The following WDPCP variants were observed in gnomAD, a reference collection of about 807,000 sequenced individuals.
WDPCP encodes the protein WD repeat-containing and planar cell polarity effector protein fritz homolog.
WDPCP carries 71 observed loss-of-function variants against 93.1 expected under a neutral mutation model. The observed-to-expected ratio is 0.76, with a 90% CI of 0.63 to 0.93. WDPCP has a LOEUF of 0.93. Ranked by LOEUF, WDPCP falls within the 40% of genes least tolerant of loss-of-function variation. The probability of loss-of-function intolerance (pLI) is 0.00; values close to 1 mark genes in which losing one functional copy is unlikely to be tolerated. For synonymous variants in WDPCP, 315 were observed against 315.0 expected (o/e 1.00, Z 0.00); for missense variants, 844 against 887.4 (o/e 0.95, Z 0.62).
At chr2:63,790,062 A>G (rs111681504) in intron 2 of WDPCP, among the ~76,000 whole-genome samples, 7 of 152,336 alleles carry the variant, frequency 4.6e-5, no homozygotes, top group African/African-American at 1.7e-4. Flanking sequence ...GAAGTTTAGG[A>G]AACTCCCTTA....
At chr2:63,178,226 AT>A (rs1165423675) in intron 14 of WDPCP, among the ~76,000 whole-genome samples, 1 of 152,180 alleles carries the variant, frequency 6.6e-6, no homozygotes, top group African/African-American at 2.4e-5. Flanking sequence ...CTGGCCTTAT[AT>A]AATGAATTTG....
chr2:63,558,323 T>C (rs1706291706), intron 1 of WDPCP, among the ~76,000 whole-genome samples: 1 of 149,796 alleles, frequency 6.7e-6, no homozygotes, highest in Non-Finnish European at 1.5e-5. Flanking sequence ...AGGTCAGGAG[T>C]TTGAGACCAG....
At chr2:63,606,346 A>G (rs1376637862) in intron 3 of WDPCP, among the ~76,000 whole-genome samples, 1 of 152,198 alleles carries the variant, frequency 6.6e-6, no homozygotes, top group Non-Finnish European at 1.5e-5. Context: ...GTACCCCTCC[A>G]CCAGGCAACA....
chr2:63,664,385 G>A, intron 2 of WDPCP, among the ~76,000 whole-genome samples: 1 of 152,164 alleles, frequency 6.6e-6, no homozygotes, highest in East Asian at 1.9e-4. Context: ...TCTGCAGCTG[G>A]TACCATCAAC....
chr2:63,586,093 G>A (rs754471342), intron 1 of WDPCP, among the ~76,000 whole-genome samples: 2 of 152,176 alleles, frequency 1.3e-5, no homozygotes, highest in Non-Finnish European at 2.9e-5. Flanking sequence ...GCCTCTCAAA[G>A]TGCTGAGATT....
chr2:63,474,255 T>C (rs1012384496), intron 6 of WDPCP, among the ~76,000 whole-genome samples: 4 of 152,094 alleles, frequency 2.6e-5, no homozygotes, highest in Non-Finnish European at 4.4e-5. Flanking sequence ...TTCCAGTGCA[T>C]TTTTTAATAA....
At chr2:63,341,488 G>C (rs1688835913) in intron 12 of WDPCP, among the ~76,000 whole-genome samples, 1 of 152,242 alleles carries the variant, frequency 6.6e-6, no homozygotes, top group South Asian at 2.1e-4. Context: ...TGAGAAAAAT[G>C]TATATTCTGC....
chr2:63,439,898 G>A, intron 6 of WDPCP, 27 bp from the exon 7 acceptor site: 3 of 1,551,274 alleles, frequency 1.9e-6, no homozygotes, highest in South Asian at 2.2e-5. Context: ...GGGGGAGAGA[G>A]GGAGGAAGAC....
chr2:63,453,876 T>C (rs1209894738), intron 6 of WDPCP, among the ~76,000 whole-genome samples: 2 of 142,736 alleles, frequency 1.4e-5, no homozygotes, highest in East Asian at 4.2e-4. Context: ...TTCTCACTCA[T>C]AGGTGGGAAT....
intron 2 of WDPCP, among the ~76,000 whole-genome samples, chr2:63,800,068 T>C (rs1415755288): frequency 1.3e-5 from 2 of 152,204 alleles, no homozygotes; most frequent in Admixed American, 1.3e-4. Context: ...ATTACACATA[T>C]ATTATTATTC....
chr2:63,528,456 C>G, intron 1 of WDPCP, among the ~76,000 whole-genome samples: 1 of 152,142 alleles, frequency 6.6e-6, no homozygotes, highest in Non-Finnish European at 1.5e-5. Context: ...TTTCCCAGCA[C>G]CATTTATTAA....
intron 12 of WDPCP, among the ~76,000 whole-genome samples, chr2:63,315,484 C>G (rs1247902356): frequency 1.3e-5 from 2 of 151,910 alleles, no homozygotes; most frequent in Non-Finnish European, 2.9e-5. Context: ...TAAAATCAAA[C>G]AAGTATGAGT....
At position 63,160,677 on chromosome 2, in the gene WDPCP, T is replaced by A. The variant is rs190512394; in HGVS notation, c.2079-7103A>T. Among the ~76,000 whole-genome samples the A allele has an allele frequency of 3.3e-5, 5 of 152,328 alleles. No homozygotes were observed. The East Asian group carries it at 5.8e-4, about 18-fold the overall frequency. Reference sequence around the variant, plus strand: ...TTGATAAGGAAACTTTTATTATGTATAGAAGTACTCAAACTTATAAATGCA... The same window carrying A: ...TTGATAAGGAAACTTTTATTATGTAAAGAAGTACTCAAACTTATAAATGCA... On this transcript the variant is annotated intron_variant, in intron 15 of 17. Coordinates refer to ENST00000272321, the MANE Select transcript of WDPCP (RefSeq NM_015910.7).
At chr2:63,692,826 T>G (rs936872915) in intron 2 of WDPCP, among the ~76,000 whole-genome samples, 1 of 152,234 alleles carries the variant, frequency 6.6e-6, no homozygotes, top group East Asian at 1.9e-4. Context: ...TATCTTATAA[T>G]GACAGTTCCA....
At chr2:63,395,538 C>A (rs1299374193) in intron 10 of WDPCP, among the ~76,000 whole-genome samples, 1 of 152,146 alleles carries the variant, frequency 6.6e-6, no homozygotes, top group Non-Finnish European at 1.5e-5. Context: ...TAGCTCCATC[C>A]ATGTTGCTGC....
chr2:63,507,415 T>C (rs535972197), intron 1 of WDPCP, among the ~76,000 whole-genome samples: 1 of 151,872 alleles, frequency 6.6e-6, no homozygotes, highest in Non-Finnish European at 1.5e-5. Flanking sequence ...GTCACTTGAG[T>C]GTGAGGTTAG....
chr2:63,295,129 A>G (rs562739546), intron 13 of WDPCP, among the ~76,000 whole-genome samples: 3 of 152,158 alleles, frequency 2.0e-5, no homozygotes, highest in Non-Finnish European at 2.9e-5. Flanking sequence ...CCCCATGATA[A>G]CTGCAAAGAA....
At chr2:63,564,242 C>A (rs1483981066) in intron 1 of WDPCP, 1 of 152,212 alleles carries the variant, frequency 6.6e-6, no homozygotes, top group Non-Finnish European at 1.5e-5. Context: ...CATTAGATGA[C>A]AGAAGCCAAG....
At chr2:63,246,178 G>C (rs1680256492) in intron 14 of WDPCP, among the ~76,000 whole-genome samples, 1 of 152,086 alleles carries the variant, frequency 6.6e-6, no homozygotes, top group African/African-American at 2.4e-5. Flanking sequence ...TTATAAACTT[G>C]CTATGATAGG....
Sources: gnomAD v4.1 joint callset for allele counts (sites outside exome capture counted in the v4.1 genomes callset) on GRCh38, gnomAD v4.1.1 for gene constraint, MANE v1.5 for transcripts, NCBI Gene and HGNC (gene_info 2026-07-23, HGNC 2026-07-21) for gene names.